The following GPC6 variants were observed in gnomAD, a reference collection of about 807,000 sequenced individuals.
The protein encoded by GPC6 is glypican-6.
GPC6 carries 14 observed loss-of-function variants against 55.2 expected under a neutral mutation model. The ratio of observed to expected loss-of-function variants is 0.25; its 90% CI spans 0.17 to 0.40. GPC6 has a LOEUF of 0.40. Among genes scored for constraint, GPC6 ranks in the 10% least tolerant of loss-of-function variants. The pLI is 1.00. For synonymous variants in GPC6, 278 were observed against 259.6 expected (o/e 1.07, Z -0.68); for missense variants, 641 against 708.5 (o/e 0.90, Z 1.08).
At chr13:93,477,816 A>G (rs912443888) in intron 1 of GPC6, among the ~76,000 whole-genome samples, 1 of 152,216 alleles carries the variant, frequency 6.6e-6, no homozygotes, top group Non-Finnish European at 1.5e-5. Flanking sequence ...TGCTTCCTTA[A>G]CTATTTGTTT....
chr13:94,055,303 G>A (rs910619191), intron 4 of GPC6, among the ~76,000 whole-genome samples: 1 of 152,102 alleles, frequency 6.6e-6, no homozygotes, highest in African/African-American at 2.4e-5. Context: ...AGAATGACAA[G>A]AATAATATTG....
At chr13:93,633,070 T>G (rs2139574288) in intron 2 of GPC6, among the ~76,000 whole-genome samples, 1 of 152,326 alleles carries the variant, frequency 6.6e-6, no homozygotes, top group South Asian at 2.1e-4. Flanking sequence ...CAATTTATAA[T>G]TTGGCAAGTC....
intron 6 of GPC6, among the ~76,000 whole-genome samples, chr13:94,312,720 G>GCGCACA (rs747476828): frequency 5.9e-5 from 8 of 136,268 alleles, no homozygotes; most frequent in South Asian, 2.2e-4. Flanking sequence ...ACACGCGCAC[G>GCGCACA]CACACACACA....
chr13:94,011,975 A>G (rs1566284531), intron 3 of GPC6, among the ~76,000 whole-genome samples: 1 of 152,228 alleles, frequency 6.6e-6, no homozygotes, highest in Non-Finnish European at 1.5e-5. Flanking sequence ...ATATTGGAAA[A>G]GAGGGAAGAA....
intron 3 of GPC6, among the ~76,000 whole-genome samples, chr13:93,949,571 TA>T (rs1291031765): frequency 5.1e-4 from 78 of 152,316 alleles, no homozygotes; most frequent in African/African-American, 1.4e-3. Context: ...TAACCTGACT[TA>T]ATCATTAGTC....
rs150279124 is a variant in GPC6 at position 93,583,766 on chromosome 13, G to A, written c.319+38345G>A. Among the ~76,000 whole-genome samples, 213 of 152,126 alleles carry A rather than the reference G, an allele frequency of 1.4e-3. 2 individuals carry two copies. The highest frequency in any genetic ancestry group is 2.1e-3 in the Non-Finnish European group (140 of 67,954). ...CTTGTAGTAGTTAGAAGCTAAGAAA[G>A]TATATTATATACGGACTAATAGAGA... On this transcript the variant is annotated intron_variant, in intron 2 of 8. Transcript: ENST00000377047.
intron 2 of GPC6, among the ~76,000 whole-genome samples, chr13:93,586,561 A>G (rs951780310): frequency 1.3e-5 from 2 of 152,230 alleles, no homozygotes; most frequent in African/African-American, 4.8e-5. Context: ...GGCTAGCCAT[A>G]TGCAGAAGAT....
rs1266854433 is a variant in GPC6 at position 94,288,835 on chromosome 13, TA to T, written c.1008+2357del. On this transcript the variant is annotated intron_variant, in intron 5 of 8. Coordinates refer to ENST00000377047, the MANE Select transcript of GPC6 (RefSeq NM_005708.5). ...ATATAATAAATATATATATTTGTTA[TA>T]TATAACAAATATATATAATAAATAT... Among the ~76,000 whole-genome samples the T allele has an allele frequency of 1.6e-4, 18 of 113,288 alleles. 1 individual carries two copies. The highest frequency in any genetic ancestry group is 2.8e-4 in the Non-Finnish European group (15 of 54,498). 74.3% of individuals were successfully genotyped at this position (113,288 alleles called of 152,430 possible).
intron 3 of GPC6, among the ~76,000 whole-genome samples, chr13:93,875,405 T>A (rs1042823961): frequency 2.0e-5 from 3 of 152,060 alleles, no homozygotes; most frequent in Admixed American, 6.6e-5. Flanking sequence ...ATAACTTTTT[T>A]AAAAGAAACT....
At chr13:93,560,403 C>G (rs971103700) in intron 2 of GPC6, among the ~76,000 whole-genome samples, 8 of 151,516 alleles carry the variant, frequency 5.3e-5, no homozygotes, top group Admixed American at 5.3e-4. Flanking sequence ...TCCTGTAGTC[C>G]CAGTTACTCT....
At chr13:93,226,578 C>T (rs1158130534), upstream of GPC6, 1 of 152,200 alleles carries the variant, frequency 6.6e-6, no homozygotes, top group African/African-American at 2.4e-5. Flanking sequence ...CATAAAAATA[C>T]AGCTTAATAA....
intron 3 of GPC6, among the ~76,000 whole-genome samples, chr13:94,005,219 TC>T (rs1351951000): frequency 6.6e-6 from 1 of 152,252 alleles, no homozygotes; most frequent in Non-Finnish European, 1.5e-5. Context: ...TTAAGATTAA[TC>T]TATATACATA....
At position 93,233,195 on chromosome 13, in the gene GPC6, T is replaced by A. The variant is rs140235061; in HGVS notation, c.160+5579T>A. 7.8e-3 allele frequency among the ~76,000 whole-genome samples: 1,192 copies of A among 152,304 alleles called. 12 individuals are homozygous for A. Among genetic ancestry groups the A allele is most frequent in the African/African-American group, 0.025 (1,059 of 41,574 alleles). On this transcript the variant is annotated intron_variant, in intron 1 of 8. Transcript: ENST00000377047. ...CAGTTTGAAAGTACTATTGACTCCCTGGGATCATATATTTGTAATAAAGGG... is the reference window on the plus strand; with the variant it reads ...CAGTTTGAAAGTACTATTGACTCCCAGGGATCATATATTTGTAATAAAGGG...
At chr13:93,378,398 T>G (rs1213742405) in intron 1 of GPC6, among the ~76,000 whole-genome samples, 1 of 152,190 alleles carries the variant, frequency 6.6e-6, no homozygotes, top group Non-Finnish European at 1.5e-5. Flanking sequence ...TGGTTGGCCT[T>G]TGCTCTGCTC....
chr13:94,200,861 C>A (rs557713790), intron 4 of GPC6, among the ~76,000 whole-genome samples: 238 of 152,272 alleles, frequency 1.6e-3, no homozygotes, highest in African/African-American at 5.5e-3. Flanking sequence ...TGGGTTTGAA[C>A]CACATGGTGG....
At chr13:93,252,393 C>T (rs1876816078) in intron 1 of GPC6, among the ~76,000 whole-genome samples, 1 of 152,126 alleles carries the variant, frequency 6.6e-6, no homozygotes, top group Non-Finnish European at 1.5e-5. Flanking sequence ...AAGATTTTTC[C>T]AATACACTTA....
intron 1 of GPC6, among the ~76,000 whole-genome samples, chr13:93,541,948 G>A (rs185626734): frequency 0.013 from 2,004 of 152,148 alleles, 38 homozygotes; most frequent in African/African-American, 0.04. Flanking sequence ...AGTAGGTTGC[G>A]AAAATTTTTT....
At chr13:93,323,644 G>A (rs1037150269) in intron 1 of GPC6, among the ~76,000 whole-genome samples, 1 of 152,156 alleles carries the variant, frequency 6.6e-6, no homozygotes, top group African/African-American at 2.4e-5. Context: ...TGTTAATTCA[G>A]TATGAAGTAC....
chr13:94,027,049 T>A (rs933478236), intron 3 of GPC6, among the ~76,000 whole-genome samples: 1 of 152,174 alleles, frequency 6.6e-6, no homozygotes, highest in Non-Finnish European at 1.5e-5. Flanking sequence ...CCCTTATTGG[T>A]TTAGAATTGA....
Sources: allele counts gnomAD v4.1 joint callset (sites outside exome capture counted in the v4.1 genomes callset), GRCh38; gene constraint gnomAD v4.1.1; transcripts MANE v1.5; gene names NCBI Gene and HGNC (gene_info 2026-07-23, HGNC 2026-07-21).